TSHR: variants seen among roughly 807,000 people sequenced by gnomAD.
TSHR encodes thyroid stimulating hormone receptor.
In TSHR, 51 loss-of-function variants were observed where a neutral mutation model predicts 64.1. The observed-to-expected ratio is 0.80, with a 90% CI of 0.64 to 1.01. The LOEUF (loss-of-function observed/expected upper bound fraction) is 1.01. Among genes scored for constraint, TSHR ranks in the 50% least tolerant of loss-of-function variants. The pLI is 0.00. For synonymous variants in TSHR, 361 were observed against 361.9 expected, an observed-to-expected ratio of 1.00 and a Z score of 0.03; for missense variants, 877 against 942.8, an observed-to-expected ratio of 0.93 and a Z score of 0.91.
chr14:81,000,624 C>G (rs1444195638), intron 1 of TSHR, among the ~76,000 whole-genome samples: 1 of 152,138 alleles, frequency 6.6e-6, no homozygotes, highest in African/African-American at 2.4e-5. Context: ...TTCTCTCTTT[C>G]CCTCCACGTC....
At chr14:80,968,268 C>G (rs1887418393) in intron 1 of TSHR, among the ~76,000 whole-genome samples, 1 of 152,024 alleles carries the variant, frequency 6.6e-6, no homozygotes, top group Non-Finnish European at 1.5e-5. Context: ...AAACAGGTAC[C>G]CAGGGTTGGT....
intron 8 of TSHR, among the ~76,000 whole-genome samples, chr14:81,113,589 C>T (rs1196897581): frequency 6.6e-6 from 1 of 151,962 alleles, no homozygotes; most frequent in Non-Finnish European, 1.5e-5. Flanking sequence ...TTTTAAACAA[C>T]ATTAAAATGA....
chr14:80,971,989 T>C lies in TSHR; in HGVS notation c.170+16139T>C, dbSNP rs1022706324. ...TTAAAATATGTGCCTCTTAAGATGA[T>C]GAAATATAGTAACTTGATGTGGTTA... On this transcript the variant is annotated intron_variant, in intron 1 of 9. Coordinates refer to ENST00000298171, the MANE Select transcript of TSHR (RefSeq NM_000369.5). Among the ~76,000 whole-genome samples, 5 of 152,218 alleles carry C rather than the reference T, an allele frequency of 3.3e-5. No homozygotes were observed. The South Asian group carries it at 1.0e-3, about 32-fold the overall frequency.
intron 2 of TSHR, among the ~76,000 whole-genome samples, chr14:81,066,115 C>G (rs1307245731): frequency 6.6e-6 from 1 of 152,138 alleles, no homozygotes; most frequent in Non-Finnish European, 1.5e-5. Flanking sequence ...CAAGCAATCA[C>G]AGCCATACAA....
At chr14:81,028,158 T>C (rs917990968) in intron 1 of TSHR, among the ~76,000 whole-genome samples, 4 of 152,168 alleles carry the variant, frequency 2.6e-5, no homozygotes, top group Non-Finnish European at 5.9e-5. Context: ...AAGTAGATCA[T>C]AAGCCTTTCA....
intron 1 of TSHR, among the ~76,000 whole-genome samples, chr14:81,011,415 C>T (rs189472831): frequency 3.3e-5 from 5 of 152,142 alleles, no homozygotes; most frequent in Admixed American, 2.0e-4. Context: ...TTTTTGGATA[C>T]ATCAGTTTCT....
At position 81,068,324 on chromosome 14, in the gene TSHR, C is replaced by G. The variant is rs765913152; in HGVS notation, c.313C>G (p.His105Asp). 1.9e-6 allele frequency: 3 copies of G among 1,612,806 alleles called. No individual in the cohort carries two copies. The South Asian group carries it at 3.3e-5, about 18-fold the overall frequency. ...HSFYNLSKVT[H>D]IEIRNTRNLT... is the part of the protein sequence containing the mutation. ...CTTCTACAATTTGAGTAAAGTGACT[C>G]ACATGTAAGTACAAGGAAAAGTGCA... The change falls in exon 3 of 10, where the codon CAC (histidine) becomes GAC (aspartate). Residue 105 changes from histidine to aspartate, a missense_variant. Coordinates refer to ENST00000298171, the MANE Select transcript of TSHR (RefSeq NM_000369.5).
At chr14:81,096,732 C>T in intron 7 of TSHR, 25 bp downstream of exon 7, 1 of 1,610,970 alleles carries the variant, frequency 6.2e-7, no homozygotes, top group East Asian at 2.2e-5. Flanking sequence ...GCCATGAAAA[C>T]TGTCACTTTC....
rs570251562 is a variant in TSHR, at chr14:81,145,623, T to G, written c.*1270T>G. On this transcript the variant is annotated 3_prime_UTR_variant, in exon 10 of 10. Coordinates refer to ENST00000298171, the MANE Select transcript of TSHR (RefSeq NM_000369.5). ...GTCACTTCAAAACACTTCGCTTGTCTTTAGGGATGATTTTTGCCATTTCCA... is the reference window on the plus strand; with the variant it reads ...GTCACTTCAAAACACTTCGCTTGTCGTTAGGGATGATTTTTGCCATTTCCA... The G allele has an allele frequency of 2.1e-4, 50 of 233,204 alleles. No individual in the cohort carries two copies. Among genetic ancestry groups the G allele is most frequent in the Admixed American group, 1.9e-3 (33 of 17,794 alleles). 14.4% of individuals were successfully genotyped at this position (233,204 alleles called of 1,614,324 possible).
Position 80,979,919 on chromosome 14 carries a change from C to T in TSHR, c.170+24069C>T, listed in dbSNP as rs188864289. On this transcript the variant is annotated intron_variant, in intron 1 of 9. Coordinates refer to ENST00000298171, the MANE Select transcript of TSHR (RefSeq NM_000369.5). ...CAGTGAGGGTGATCAGCCTGTACTG[C>T]GGATGGGGTCTCGGTCTCTTGAGTA... is the stretch of plus-strand genomic sequence containing the variant. Among the ~76,000 whole-genome samples, 52 of 152,254 alleles carry T rather than the reference C, an allele frequency of 3.4e-4. 1 individual carries two copies. The Middle Eastern group carries it at 0.01, about 30-fold the overall frequency.
At chr14:81,088,742 T>TA (rs1333596135) in intron 4 of TSHR, among the ~76,000 whole-genome samples, 9 of 152,120 alleles carry the variant, frequency 5.9e-5, no homozygotes, top group South Asian at 4.1e-4. Flanking sequence ...AGAAAATTGT[T>TA]AAAAAAAACT....
chr14:81,074,507 C>T lies in TSHR; in HGVS notation c.317+6179C>T, dbSNP rs115460464. ...GGGTATAAGGCATGAAACTGAGTAT[C>T]GATATAGAATGATTTGTTTAATTTA... is the stretch of plus-strand genomic sequence containing the variant. On this transcript the variant is annotated intron_variant, in intron 3 of 9. Coordinates refer to ENST00000298171, the MANE Select transcript of TSHR (RefSeq NM_000369.5). 1.8e-3 allele frequency among the ~76,000 whole-genome samples: 272 copies of T among 152,150 alleles called. 1 individual carries two copies. The highest frequency in any genetic ancestry group is 0.014 in the Middle Eastern group (4 of 292).
In TSHR at chr14:81,103,070, A is replaced by G. The variant is rs1889688235; in HGVS notation, c.615-5305A>G. On this transcript the variant is annotated intron_variant, in intron 7 of 9. Coordinates refer to ENST00000298171, the MANE Select transcript of TSHR (RefSeq NM_000369.5). The surrounding 1 kb of genome is among the most constrained non-coding windows in gnomAD (Gnocchi z 4.1). ...TTTAAGCACTTCAGTAAAAGGTATC[A>G]TGTAAATCCAGTGTAAAATCAAAAT... is the stretch of plus-strand genomic sequence containing the variant. 4.1e-6 allele frequency: 4 copies of G among 985,424 alleles called. No homozygotes were observed. The highest frequency in any genetic ancestry group is 4.8e-6 in the Non-Finnish European group (4 of 829,914). 61.0% of individuals were successfully genotyped at this position (985,424 alleles called of 1,614,324 possible). A position where few individuals can be genotyped will look rare whatever the true frequency, so the allele number is the denominator to read the frequency against.
chr14:80,982,962 A>T lies in TSHR; in HGVS notation c.170+27112A>T, dbSNP rs571953164. 32 of 530,242 alleles carry T rather than the reference A, an allele frequency of 6.0e-5. No individual in the cohort carries two copies. The Admixed American group carries it at 7.7e-4, about 13-fold the overall frequency. The allele number at this position is 530,242 out of a possible 1,614,324, so 32.8% of individuals were successfully genotyped here. Reference sequence around the variant, plus strand: ...GCTATGTGGACTCTGAGGAATTTGAACAACTTGTTAACTTACTTAAGTCAA... The same window carrying T: ...GCTATGTGGACTCTGAGGAATTTGATCAACTTGTTAACTTACTTAAGTCAA... On this transcript the variant is annotated intron_variant, in intron 1 of 9. Coordinates refer to ENST00000298171, the MANE Select transcript of TSHR (RefSeq NM_000369.5).
At chr14:80,997,581 G>A (rs895737367) in intron 1 of TSHR, among the ~76,000 whole-genome samples, 3 of 152,190 alleles carry the variant, frequency 2.0e-5, no homozygotes, top group African/African-American at 7.2e-5. Flanking sequence ...ACCCTAAAAT[G>A]ATCATTTAAA....
chr14:81,121,319 T>G lies in TSHR; in HGVS notation c.692+12867T>G, dbSNP rs553010761. On this transcript the variant is annotated intron_variant, in intron 8 of 9. Coordinates refer to ENST00000298171, the MANE Select transcript of TSHR (RefSeq NM_000369.5). ...ATCGGAATGCCCTCAGCCTTCTCAA[T>G]GGCGACATTGAAGAAGACCATAGAT... 6.6e-5 allele frequency among the ~76,000 whole-genome samples: 10 copies of G among 152,246 alleles called. No individual in the cohort carries two copies. In the East Asian group the frequency reaches 1.5e-3, roughly 24 times the overall value.
chr14:81,070,405 G>A (rs1210161096), intron 3 of TSHR, among the ~76,000 whole-genome samples: 1 of 151,996 alleles, frequency 6.6e-6, no homozygotes, highest in East Asian at 1.9e-4. Flanking sequence ...AAGGCAGGCG[G>A]ATCACGAGGT....
chr14:81,133,611 A>C (rs1307871942), intron 8 of TSHR, among the ~76,000 whole-genome samples: 1 of 152,232 alleles, frequency 6.6e-6, no homozygotes, highest in Non-Finnish European at 1.5e-5. Context: ...AGACATTCAC[A>C]TTCTGGCACT....
intron 8 of TSHR, among the ~76,000 whole-genome samples, chr14:81,115,750 G>A (rs1456083326): frequency 1.3e-5 from 2 of 152,024 alleles, no homozygotes; most frequent in East Asian, 3.9e-4. Flanking sequence ...AAGTTGAAAT[G>A]AAGGAAAAAA....
Sources: allele counts gnomAD v4.1 joint callset (sites outside exome capture counted in the v4.1 genomes callset), GRCh38; gene constraint gnomAD v4.1.1; non-coding constraint Gnocchi (gnomAD v3.1); transcripts MANE v1.5; gene names NCBI Gene and HGNC (gene_info 2026-07-23, HGNC 2026-07-21).